The following DPH6 variants were observed in gnomAD, a reference collection of about 807,000 sequenced individuals.
DPH6 encodes the protein diphthine--ammonia ligase.
In DPH6, 33 loss-of-function variants were observed where a neutral mutation model predicts 38.2. The ratio of observed to expected loss-of-function variants is 0.86; its 90% CI spans 0.65 to 1.15. The LOEUF is 1.15. DPH6 is among the 50% of genes most tolerant of loss of function. The probability of loss-of-function intolerance (pLI) is 0.00; values close to 1 mark genes in which losing one functional copy is unlikely to be tolerated. For missense variants in DPH6, 325 were observed against 320.0 expected, an observed-to-expected ratio of 1.02 and a Z score of -0.12; for synonymous variants, 108 against 103.0, an observed-to-expected ratio of 1.05 and a Z score of -0.30.
At chr15:35,214,220 G>A (rs1038900176), downstream of DPH6, among the ~76,000 whole-genome samples, 1 of 152,158 alleles carries the variant, frequency 6.6e-6, no homozygotes, top group African/African-American at 2.4e-5. Context: ...AGTACTACAG[G>A]CGGTGGTGTC....
chr15:35,387,392 G>A (rs1010108476), intron 6 of DPH6, among the ~76,000 whole-genome samples: 6 of 152,162 alleles, frequency 3.9e-5, no homozygotes, highest in African/African-American at 1.4e-4. Flanking sequence ...GTCACTGGTA[G>A]CTTGATGGGG....
chr15:35,192,117 T>C, the DPH6 span, among the ~76,000 whole-genome samples: 1 of 152,224 alleles, frequency 6.6e-6, no homozygotes, highest in African/African-American at 2.4e-5. Context: ...ACATAATTGA[T>C]GTATGCCCTG....
the DPH6 span, among the ~76,000 whole-genome samples, chr15:35,162,473 C>A: frequency 2.0e-5 from 3 of 151,866 alleles, no homozygotes; most frequent in Admixed American, 6.6e-5. Flanking sequence ...AAAGCCTCTG[C>A]AGGAGCTACT....
At chr15:35,256,854 G>A (rs1386792375) in intron 3 of DPH6, among the ~76,000 whole-genome samples, 1 of 152,220 alleles carries the variant, frequency 6.6e-6, no homozygotes, top group Admixed American at 6.5e-5. Context: ...ATGTGTGTAA[G>A]TGTGTGTGTA....
intron 3 of DPH6, among the ~76,000 whole-genome samples, chr15:35,470,773 G>A (rs1013051186): frequency 3.3e-5 from 5 of 152,008 alleles, no homozygotes; most frequent in African/African-American, 7.2e-5. Context: ...TTAAAAGTAC[G>A]GAGTGAACTT....
chr15:35,204,060 A>G, the DPH6 span, among the ~76,000 whole-genome samples: 1 of 151,722 alleles, frequency 6.6e-6, no homozygotes, highest in African/African-American at 2.4e-5. Flanking sequence ...AATCCTCTAA[A>G]CTTGAAAACA....
At chr15:35,300,040 A>C (rs1298342108) in intron 3 of DPH6, among the ~76,000 whole-genome samples, 1 of 152,230 alleles carries the variant, frequency 6.6e-6, no homozygotes, top group Non-Finnish European at 1.5e-5. Flanking sequence ...TAGGACTGTG[A>C]GCACAGAAGT....
At chr15:35,374,528 T>C (rs16960833) in intron 7 of DPH6, among the ~76,000 whole-genome samples, 18,512 of 152,094 alleles carry the variant, frequency 0.12, 1,227 homozygotes, top group Middle Eastern at 0.23. Context: ...TGGCTCCAAA[T>C]TATTAAACTT....
chr15:35,215,606 C>G (rs1178530646), downstream of DPH6, among the ~76,000 whole-genome samples: 1 of 152,090 alleles, frequency 6.6e-6, no homozygotes, highest in African/African-American at 2.4e-5. Context: ...CCAGGCTGGT[C>G]TTAAACTCCT....
chr15:35,223,140 T>C (rs2051453466), intron 3 of DPH6, among the ~76,000 whole-genome samples: 1 of 152,198 alleles, frequency 6.6e-6, no homozygotes, highest in African/African-American at 2.4e-5. Flanking sequence ...TGTATTAGTT[T>C]ACAGTTTTGG....
chr15:35,316,526 C>T (rs907252040), intron 3 of DPH6, among the ~76,000 whole-genome samples: 8 of 152,004 alleles, frequency 5.3e-5, no homozygotes, highest in Non-Finnish European at 1.2e-4. Context: ...TGAAGAGAGG[C>T]TTAGTGATTT....
chr15:35,457,889 T>C (rs2054016279), intron 3 of DPH6, among the ~76,000 whole-genome samples: 1 of 152,152 alleles, frequency 6.6e-6, no homozygotes, highest in Non-Finnish European at 1.5e-5. Flanking sequence ...CTACTATTAC[T>C]ACTACTGACT....
chr15:35,352,177 A>T (rs1415860503), intron 3 of DPH6, among the ~76,000 whole-genome samples: 1 of 152,148 alleles, frequency 6.6e-6, no homozygotes, highest in African/African-American at 2.4e-5. Context: ...TTTAGCTTTC[A>T]TACTACAATT....
rs763833562 is a variant in DPH6, at chr15:35,373,574, C to T, written c.697G>A (p.Ala233Thr). 1.9e-6 allele frequency: 3 copies of T among 1,608,938 alleles called. No individual in the cohort carries two copies. The highest frequency in any genetic ancestry group is 4.5e-5 in the East Asian group (2 of 44,640). The stretch of plus-strand genomic sequence containing the variant: ...CGTAGATAAGCCACAGGTGCAAATG[C>T]ATCAGCTGAATGTATGACTACTTCT... ...SSEVVIHSAD[A>T]FAPVAYLRFL... The change falls in exon 8 of 9, where the codon GCA becomes ACA. Residue 233 changes from alanine to threonine, a missense_variant. Transcript: ENST00000256538.
chr15:35,195,067 C>T, the DPH6 span, among the ~76,000 whole-genome samples: 2 of 152,204 alleles, frequency 1.3e-5, no homozygotes, highest in African/African-American at 4.8e-5. Context: ...TTATCCACCC[C>T]TTTCTCCACA....
At chr15:35,417,207 T>A (rs577623974) in intron 5 of DPH6, among the ~76,000 whole-genome samples, 1 of 152,190 alleles carries the variant, frequency 6.6e-6, no homozygotes, top group East Asian at 1.9e-4. Flanking sequence ...CTTATAATAT[T>A]TACTTTCATT....
the DPH6 span, among the ~76,000 whole-genome samples, chr15:35,151,817 A>G: frequency 6.6e-6 from 1 of 152,248 alleles, no homozygotes; most frequent in African/African-American, 2.4e-5. Context: ...GTCTATGCTA[A>G]TCATACAAAT....
chr15:35,545,931 C>T (rs1440053190), intron 1 of DPH6, among the ~76,000 whole-genome samples, 188 bp downstream of exon 1: 1 of 152,166 alleles, frequency 6.6e-6, no homozygotes, highest in Non-Finnish European at 1.5e-5. Context: ...GGAGGCGCGC[C>T]AGCCAGGGGC....
chr15:35,239,614 T>TC (rs1343662073), intron 3 of DPH6, among the ~76,000 whole-genome samples: 1 of 140,908 alleles, frequency 7.1e-6, no homozygotes, highest in Admixed American at 7.6e-5. Flanking sequence ...CAAGTACCCC[T>TC]CAACCCCTTC....
Sources: allele counts gnomAD v4.1 joint callset (sites outside exome capture counted in the v4.1 genomes callset), GRCh38; gene constraint gnomAD v4.1.1; transcripts MANE v1.5; gene names NCBI Gene and HGNC (gene_info 2026-07-23, HGNC 2026-07-21).